The following BBS9 variants were observed in gnomAD, a reference collection of about 807,000 sequenced individuals.
BBS9 encodes the protein Bardet-Biedl syndrome 9.
In BBS9, 89 loss-of-function variants were observed where a neutral mutation model predicts 117.7. The observed-to-expected ratio is 0.76, with a 90% CI of 0.64 to 0.90. BBS9 has a LOEUF of 0.90. Among genes scored for constraint, BBS9 ranks in the 40% least tolerant of loss-of-function variants. The pLI, the probability that BBS9 is intolerant of heterozygous loss-of-function variation, is 0.00. For synonymous variants in BBS9, 379 were observed against 370.9 expected (o/e 1.02, Z -0.25); for missense variants, 982 against 1,042.2 (o/e 0.94, Z 0.80).
chr7:33,473,643 A>G (rs986488115), intron 19 of BBS9, among the ~76,000 whole-genome samples: 1 of 152,146 alleles, frequency 6.6e-6, no homozygotes, highest in African/African-American at 2.4e-5. Flanking sequence ...AATAAATACT[A>G]GTTTTTCACA....
At chr7:33,235,727 T>G (rs988874896) in intron 5 of BBS9, among the ~76,000 whole-genome samples, 1 of 152,186 alleles carries the variant, frequency 6.6e-6, no homozygotes, top group African/African-American at 2.4e-5. Flanking sequence ...ATGTATGCAC[T>G]AAAGATTCAA....
chr7:33,191,598 C>G (rs1784129456), intron 5 of BBS9, among the ~76,000 whole-genome samples: 3 of 152,174 alleles, frequency 2.0e-5, no homozygotes, highest in Non-Finnish European at 2.9e-5. Context: ...AGGGCCTAAG[C>G]AGTTAAAGGA....
intron 5 of BBS9, among the ~76,000 whole-genome samples, chr7:33,179,941 C>T (rs999025583): frequency 6.6e-6 from 1 of 152,210 alleles, no homozygotes. Context: ...CATTTTAAAG[C>T]TTAACTTCCT....
Position 33,459,334 on chromosome 7 carries a change from G to A in BBS9, c.2116-46129G>A, listed in dbSNP as rs376748093. 1.5e-4 allele frequency among the ~76,000 whole-genome samples: 23 copies of A among 152,018 alleles called. 1 individual carries two copies. In the South Asian group the frequency reaches 2.9e-3, roughly 19 times the overall value. On this transcript the variant is annotated intron_variant, in intron 19 of 22. Coordinates refer to ENST00000242067, the MANE Select transcript of BBS9 (RefSeq NM_198428.3). The stretch of plus-strand genomic sequence containing the variant: ...TCCGGGACATTTGGCAAAGTCTGGG[G>A]GCATTTTTGATTGTAACAGCTGGGG...
chr7:33,498,962 G>A (rs1845095867), intron 19 of BBS9, among the ~76,000 whole-genome samples: 1 of 152,144 alleles, frequency 6.6e-6, no homozygotes, highest in Non-Finnish European at 1.5e-5. Flanking sequence ...CAGCTGTACT[G>A]TATTACATTT....
intron 19 of BBS9, among the ~76,000 whole-genome samples, chr7:33,432,606 T>C (rs569183814): frequency 2.0e-5 from 3 of 152,280 alleles, no homozygotes; most frequent in Non-Finnish European, 4.4e-5. Context: ...CTTTATCTCT[T>C]TGTTGTTTTA....
chr7:33,318,001 G>A (rs1431257994), intron 9 of BBS9, among the ~76,000 whole-genome samples: 2 of 152,050 alleles, frequency 1.3e-5, no homozygotes, highest in South Asian at 2.1e-4. Flanking sequence ...GCAGTGAGTC[G>A]AGATCACACC....
chr7:33,214,108 C>T (rs979842312), intron 5 of BBS9, among the ~76,000 whole-genome samples: 23 of 152,126 alleles, frequency 1.5e-4, no homozygotes, highest in African/African-American at 5.6e-4. Flanking sequence ...ACCTAGGATC[C>T]GAGAGCACTT....
At chr7:33,470,647 C>T (rs4391315) in intron 19 of BBS9, among the ~76,000 whole-genome samples, 118,352 of 152,106 alleles carry the variant, frequency 0.78, 46,875 homozygotes, top group African/African-American at 0.93. Flanking sequence ...AGATGCAAAG[C>T]CAGGGAGGCA....
intron 19 of BBS9, among the ~76,000 whole-genome samples, chr7:33,468,628 G>C (rs1840518319): frequency 6.6e-6 from 1 of 151,888 alleles, no homozygotes; most frequent in Admixed American, 6.6e-5. Context: ...ACTTATTTTT[G>C]TTCCCGTTAA....
intron 5 of BBS9, among the ~76,000 whole-genome samples, chr7:33,195,809 A>G (rs1408808215): frequency 6.6e-6 from 1 of 152,100 alleles, no homozygotes; most frequent in Non-Finnish European, 1.5e-5. Flanking sequence ...TTTCAGCCAA[A>G]TGGAAGTTCA....
chr7:33,272,224 G>A, intron 7 of BBS9, among the ~76,000 whole-genome samples: 1 of 152,062 alleles, frequency 6.6e-6, no homozygotes, highest in East Asian at 1.9e-4. Flanking sequence ...AGGAGGGAGA[G>A]GATCAGAAAA....
At chr7:33,155,756 TATATGAGAATAGATATTCCCTAGTGCTGA>T in intron 4 of BBS9, 54 bp downstream of exon 4, 1 of 1,020,038 alleles carries the variant, frequency 9.8e-7, no homozygotes, top group Non-Finnish European at 1.5e-6. Flanking sequence ...GGCTTAATGT[TATATGAGAATAGATATTCCCTAGTGCTGA>T]CTTGGTAGAG....
chr7:33,205,206 C>T (rs1786673670), intron 5 of BBS9, among the ~76,000 whole-genome samples: 1 of 152,144 alleles, frequency 6.6e-6, no homozygotes. Flanking sequence ...TTCTCTGCTT[C>T]AAATTTAGTA....
intron 19 of BBS9, among the ~76,000 whole-genome samples, chr7:33,451,835 C>A (rs1477952375): frequency 6.6e-6 from 1 of 151,834 alleles, no homozygotes; most frequent in Admixed American, 6.6e-5. Context: ...CCATTGGGAA[C>A]ATTTTTTTTT....
chr7:33,489,264 A>T (rs1469659708), intron 19 of BBS9, among the ~76,000 whole-genome samples: 1 of 150,488 alleles, frequency 6.6e-6, no homozygotes, highest in East Asian at 2.0e-4. Context: ...AAAGTGCTGG[A>T]ATTACAGGTG....
chr7:33,452,163 C>T (rs1837980225), intron 19 of BBS9, among the ~76,000 whole-genome samples: 1 of 152,034 alleles, frequency 6.6e-6, no homozygotes, highest in African/African-American at 2.4e-5. Context: ...AGGGATCTTA[C>T]CAACACAGGA....
At chr7:33,457,129 C>G (rs905127761) in intron 19 of BBS9, among the ~76,000 whole-genome samples, 2 of 152,164 alleles carry the variant, frequency 1.3e-5, no homozygotes, top group Non-Finnish European at 2.9e-5. Flanking sequence ...TTGCCCTCTT[C>G]TCTGGCTTCT....
rs372270677 is a variant in BBS9 at position 33,187,859 on chromosome 7, T to C, written c.442+10268T>C. ...ATCGCTTGAACCCAGGAGGCGGAGGTTGCAGTGAGCCGAGATTGCATCATT... is the reference window on the plus strand; with the variant it reads ...ATCGCTTGAACCCAGGAGGCGGAGGCTGCAGTGAGCCGAGATTGCATCATT... On this transcript the variant is annotated intron_variant, in intron 5 of 22. Transcript: ENST00000242067. Among the ~76,000 whole-genome samples the C allele has an allele frequency of 6.4e-3, 964 of 151,764 alleles. 12 individuals carry two copies. Among genetic ancestry groups the C allele is most frequent in the African/African-American group, 0.022 (912 of 41,366 alleles).
Sources: allele counts gnomAD v4.1 joint callset (sites outside exome capture counted in the v4.1 genomes callset), GRCh38; gene constraint gnomAD v4.1.1; transcripts MANE v1.5; gene names NCBI Gene and HGNC (gene_info 2026-07-23, HGNC 2026-07-21).